The following HFM1 variants were observed in gnomAD, a reference collection of about 807,000 sequenced individuals.
The protein encoded by HFM1 is helicase for meiosis 1.
HFM1 carries 169 observed loss-of-function variants against 192.1 expected under a neutral mutation model. That is an observed-to-expected ratio of 0.88 (90% CI 0.78 to 1.00). HFM1 has a LOEUF of 1.00. HFM1 is among the 50% of genes least tolerant of loss of function. The pLI, the probability that HFM1 is intolerant of heterozygous loss-of-function variation, is 0.00. For synonymous variants in HFM1, 525 were observed against 537.8 expected (o/e 0.98, Z 0.33); for missense variants, 1,661 against 1,668.0 (o/e 1.00, Z 0.07).
chr1:91,356,761 G>A (rs1392958894), intron 13 of HFM1, among the ~76,000 whole-genome samples: 1 of 151,516 alleles, frequency 6.6e-6, no homozygotes, highest in Non-Finnish European at 1.5e-5. Context: ...AATGAAACTG[G>A]AGAAATCACC....
At chr1:91,294,983 C>T (rs1647296831) in intron 30 of HFM1, among the ~76,000 whole-genome samples, 1 of 152,162 alleles carries the variant, frequency 6.6e-6, no homozygotes, top group Non-Finnish European at 1.5e-5. Context: ...TCTATAATCA[C>T]ATTAGTGATT....
At chr1:91,329,268 T>C in intron 20 of HFM1, 1 of 1,609,548 alleles carries the variant, frequency 6.2e-7, no homozygotes, top group Non-Finnish European at 8.5e-7. Context: ...GGAGCTGAAG[T>C]GGAGCGAGCC....
intron 2 of HFM1, among the ~76,000 whole-genome samples, chr1:91,398,795 T>C (rs1219858869): frequency 6.6e-6 from 1 of 151,788 alleles, no homozygotes; most frequent in African/African-American, 2.4e-5. Context: ...TGGGTTCAAG[T>C]GATTCTCATG....
At chr1:91,286,780 G>A (rs989722600) in intron 30 of HFM1, among the ~76,000 whole-genome samples, 30 of 152,154 alleles carry the variant, frequency 2.0e-4, no homozygotes, top group Non-Finnish European at 3.5e-4. Context: ...GCCAGACAGT[G>A]GGCACAGGTC....
At chr1:91,341,978 C>T (rs1467492674) in intron 20 of HFM1, among the ~76,000 whole-genome samples, 1 of 151,670 alleles carries the variant, frequency 6.6e-6, no homozygotes, top group East Asian at 1.9e-4. Context: ...AAGCCCTGGA[C>T]CAGACTGATT....
chr1:91,282,163 C>T (rs898588316), intron 30 of HFM1, among the ~76,000 whole-genome samples: 6 of 152,264 alleles, frequency 3.9e-5, no homozygotes, highest in Admixed American at 3.3e-4. Flanking sequence ...CTTTCTTGAA[C>T]ACTTATAAGT....
chr1:91,368,644 ATGCCAAAT>A (rs562806174), intron 13 of HFM1, among the ~76,000 whole-genome samples: 30 of 152,344 alleles, frequency 2.0e-4, no homozygotes, highest in African/African-American at 5.8e-4. Context: ...CTGCAAAAAC[ATGCCAAAT>A]TGTAAAGACC....
chr1:91,387,158 G>A (rs1299643156), intron 4 of HFM1, among the ~76,000 whole-genome samples: 1 of 152,018 alleles, frequency 6.6e-6, no homozygotes, highest in Non-Finnish European at 1.5e-5. Context: ...ATCCATTCAG[G>A]GGCTGAAGAT....
At chr1:91,333,872 G>T (rs1570987191) in intron 20 of HFM1, among the ~76,000 whole-genome samples, 1 of 152,236 alleles carries the variant, frequency 6.6e-6, no homozygotes, top group East Asian at 1.9e-4. Context: ...TTATAGGTTG[G>T]CTAGGAAGAT....
intron 13 of HFM1, among the ~76,000 whole-genome samples, chr1:91,370,804 CCT>C (rs1342804229): frequency 1.3e-5 from 2 of 152,072 alleles, no homozygotes; most frequent in African/African-American, 2.4e-5. Context: ...TCAAATTGTC[CCT>C]GTTTGCAGAA....
chr1:91,333,473 G>C (rs921732449), intron 20 of HFM1, among the ~76,000 whole-genome samples: 1 of 151,948 alleles, frequency 6.6e-6, no homozygotes, highest in African/African-American at 2.4e-5. Context: ...TGGGAGGGTG[G>C]AGGGGAGTTT....
At chr1:91,381,284 C>T (rs1557497783) in intron 6 of HFM1, among the ~76,000 whole-genome samples, 2 of 152,174 alleles carry the variant, frequency 1.3e-5, no homozygotes, top group African/African-American at 4.8e-5. Context: ...ATCAGAACTA[C>T]ACTTCTAGTT....
chr1:91,305,334 T>C (rs1050837882), intron 30 of HFM1, among the ~76,000 whole-genome samples: 2 of 152,178 alleles, frequency 1.3e-5, no homozygotes, highest in African/African-American at 2.4e-5. Context: ...AGAACTTCTT[T>C]AATTTATTTC....
chr1:91,353,489 T>C (rs1315351438), intron 13 of HFM1, among the ~76,000 whole-genome samples, 190 bp from the exon 14 acceptor site: 1 of 151,630 alleles, frequency 6.6e-6, no homozygotes, highest in South Asian at 2.1e-4. Flanking sequence ...GCTACAATAT[T>C]AAAGCTCACT....
intron 20 of HFM1, among the ~76,000 whole-genome samples, chr1:91,332,557 G>C (rs1302584989): frequency 1.3e-5 from 2 of 152,096 alleles, no homozygotes; most frequent in Non-Finnish European, 2.9e-5. Context: ...AAAATTTCTT[G>C]AGTAATACCC....
In HFM1 at chr1:91,319,189, C is replaced by T. The variant is rs752119436; in HGVS notation, c.2701G>A (p.Ala901Thr). 7 of 1,607,262 alleles carry T rather than the reference C, an allele frequency of 4.4e-6. No individual in the cohort carries two copies. The African/African-American group carries it at 5.4e-5, about 12-fold the overall frequency. ...ITRWLSDFVAAQEKKFAVLLN... is the reference protein window; with the variant it reads ...ITRWLSDFVATQEKKFAVLLN... ...AGTACAGCAAACTTCTTTTCTTGAG[C>T]AGCTACAAAATCTGACAACCCTAAA... The change falls in exon 25 of 39, where the codon GCT (alanine) becomes ACT (threonine). Residue 901 changes from alanine (A) to threonine (T), a missense_variant. Transcript: ENST00000370425.
At chr1:91,356,252 T>G (rs1657718498) in intron 13 of HFM1, among the ~76,000 whole-genome samples, 1 of 152,002 alleles carries the variant, frequency 6.6e-6, no homozygotes, top group African/African-American at 2.4e-5. Context: ...GAATTTTTTT[T>G]TTTTTTTTGA....
chr1:91,278,538 A>C (rs1321094199), intron 30 of HFM1, among the ~76,000 whole-genome samples: 1 of 152,174 alleles, frequency 6.6e-6, no homozygotes, highest in Non-Finnish European at 1.5e-5. Context: ...AGTGAACCAG[A>C]AATGTTGGAG....
At chr1:91,274,946 G>A (rs1002942736) in intron 32 of HFM1, 137 bp from the exon 33 acceptor site, 1 of 457,302 alleles carries the variant, frequency 2.2e-6, no homozygotes. Context: ...GTTAGTTCTT[G>A]ACTCGAATAT....
Sources: allele counts gnomAD v4.1 joint callset (sites outside exome capture counted in the v4.1 genomes callset), GRCh38; gene constraint gnomAD v4.1.1; transcripts MANE v1.5; gene names NCBI Gene and HGNC (gene_info 2026-07-23, HGNC 2026-07-21).